The following SLC25A12 variants were observed in gnomAD, a reference collection of about 807,000 sequenced individuals.
The protein encoded by SLC25A12 is solute carrier family 25 member 12.
Under a neutral mutation model 83.3 loss-of-function variants are expected in SLC25A12, and 32 were observed. The ratio of observed to expected loss-of-function variants is 0.38; its 90% CI spans 0.29 to 0.52. SLC25A12 has a LOEUF of 0.52. SLC25A12 is among the 20% of genes least tolerant of loss of function. The pLI is 0.84. For synonymous variants in SLC25A12, 267 were observed against 291.1 expected, an observed-to-expected ratio of 0.92 and a Z score of 0.84; for missense variants, 611 against 835.6, an observed-to-expected ratio of 0.73 and a Z score of 3.31.
At chr2:171,865,416 T>A (rs1403878584) in intron 3 of SLC25A12, among the ~76,000 whole-genome samples, 1 of 152,154 alleles carries the variant, frequency 6.6e-6, no homozygotes, top group Admixed American at 6.5e-5. Flanking sequence ...ATCCCAGCAG[T>A]TTGGGAGGCC....
rs534082289 is a variant in SLC25A12, at chr2:171,861,172, T to C, written c.210-5223A>G. Among the ~76,000 whole-genome samples the C allele has an allele frequency of 1.1e-3, 163 of 151,882 alleles. 2 individuals carry two copies. Among genetic ancestry groups the C allele is most frequent in the Middle Eastern group, 3.4e-3 (1 of 294 alleles). On this transcript the variant is annotated intron_variant, in intron 3 of 17. Coordinates refer to ENST00000422440, the MANE Select transcript of SLC25A12 (RefSeq NM_003705.5). The stretch of plus-strand genomic sequence containing the variant: ...TCTCTGTGGTAGTCTAGGTGGTAGA[T>C]ATATGGGTGTTCACTATAAAATTCT...
chr2:171,787,784 C>T lies in SLC25A12; in HGVS notation c.1744+5G>A, dbSNP rs377004451. The T allele has an allele frequency of 5.3e-5, 85 of 1,614,078 alleles. No individual in the cohort carries two copies. The highest frequency in any genetic ancestry group is 7.0e-5 in the Non-Finnish European group (83 of 1,180,036). On this transcript the variant is annotated splice_donor_5th_base_variant and intron_variant, in intron 16 of 17. Coordinates refer to ENST00000422440, the MANE Select transcript of SLC25A12 (RefSeq NM_003705.5). ...CCATTCTGTATGGCTCCAGCCCCTG[C>T]CTACCTGCAGTCCCTTTCCAAAATG... is the stretch of plus-strand genomic sequence containing the variant.
chr2:171,850,333 CTTTGTT>C (rs1684899975), intron 4 of SLC25A12, among the ~76,000 whole-genome samples: 1 of 103,462 alleles, frequency 9.7e-6, no homozygotes, highest in Non-Finnish European at 1.9e-5. Flanking sequence ...CCAGGCTGGT[CTTTGTT>C]TTTTTTTTTT....
At chr2:171,825,117 A>T (rs981758791) in intron 9 of SLC25A12, among the ~76,000 whole-genome samples, 5 of 152,134 alleles carry the variant, frequency 3.3e-5, no homozygotes, top group African/African-American at 1.2e-4. Context: ...CCTGGAAATA[A>T]ACTTTGATGG....
At chr2:171,865,498 T>C (rs6707769) in intron 3 of SLC25A12, among the ~76,000 whole-genome samples, 3,763 of 151,848 alleles carry the variant, frequency 0.025, 59 homozygotes, top group Middle Eastern at 0.037. Context: ...CTGTCTCTCC[T>C]AAAAATACAA....
At position 171,785,548 on chromosome 2, in the gene SLC25A12, G is replaced by C. The variant is rs923336062; in HGVS notation, c.1836-73C>G. ...GCGCAGCTTACAGCTGGACATTTTCGGTCTGACCCATGTGCCACAAAGAAG... is the reference window on the plus strand; with the variant it reads ...GCGCAGCTTACAGCTGGACATTTTCCGTCTGACCCATGTGCCACAAAGAAG... On this transcript the variant is annotated intron_variant, in intron 17 of 17. Coordinates refer to ENST00000422440, the MANE Select transcript of SLC25A12 (RefSeq NM_003705.5). 5 of 1,355,920 alleles carry C rather than the reference G, an allele frequency of 3.7e-6. No individual in the cohort carries two copies. In the African/African-American group the frequency reaches 7.2e-5, roughly 19 times the overall value. 84.0% of individuals were successfully genotyped at this position (1,355,920 alleles called of 1,614,324 possible).
intron 2 of SLC25A12, among the ~76,000 whole-genome samples, chr2:171,885,761 T>C (rs1685805007): frequency 6.6e-6 from 1 of 152,172 alleles, no homozygotes; most frequent in Non-Finnish European, 1.5e-5. Context: ...TCAATTATAA[T>C]AGCATGGTTA....
intron 11 of SLC25A12, among the ~76,000 whole-genome samples, chr2:171,812,620 G>C (rs544477376): frequency 2.2e-5 from 1 of 45,390 alleles, no homozygotes; most frequent in African/African-American, 4.0e-5. Flanking sequence ...CAAAGACAAC[G>C]GGGGGTGGGG....
At chr2:171,802,955 GTT>G (rs764336281) in intron 13 of SLC25A12, among the ~76,000 whole-genome samples, 7 of 143,160 alleles carry the variant, frequency 4.9e-5, no homozygotes, top group Non-Finnish European at 9.1e-5. Context: ...CTTCCATCTG[GTT>G]TTAAAAAGTG....
At chr2:171,846,664 G>A (rs1172397504) in intron 4 of SLC25A12, among the ~76,000 whole-genome samples, 1 of 152,036 alleles carries the variant, frequency 6.6e-6, no homozygotes, top group African/African-American at 2.4e-5. Flanking sequence ...AAATAAGCCA[G>A]GCATGGTGGC....
intron 2 of SLC25A12, among the ~76,000 whole-genome samples, chr2:171,876,552 G>GGGA (rs1558941986): frequency 6.5e-5 from 9 of 138,170 alleles, no homozygotes; most frequent in Non-Finnish European, 9.5e-5. Flanking sequence ...TTGGGGGGGG[G>GGGA]GGGACTCAAG....
At chr2:171,866,773 C>T (rs1170314769) in intron 3 of SLC25A12, among the ~76,000 whole-genome samples, 1 of 143,676 alleles carries the variant, frequency 7.0e-6, no homozygotes, top group African/African-American at 2.6e-5. Context: ...GCTGACCCCC[C>T]CCACCTCCCT....
chr2:171,873,485 T>C (rs1685498876), intron 2 of SLC25A12, among the ~76,000 whole-genome samples: 2 of 152,260 alleles, frequency 1.3e-5, no homozygotes, highest in South Asian at 4.1e-4. Context: ...GTGAAACAGC[T>C]TGAGGCCTGA....
In SLC25A12 at chr2:171,808,294, T is replaced by C. The variant is rs970992992; in HGVS notation, c.1305+1312A>G. Among the ~76,000 whole-genome samples the C allele has an allele frequency of 3.0e-4, 36 of 119,384 alleles. 6 individuals carry two copies. The highest frequency in any genetic ancestry group is 5.8e-4 in the Non-Finnish European group (31 of 53,648). The allele number at this position is 119,384 out of a possible 152,430, so 78.3% of individuals were successfully genotyped here. A position where few individuals can be genotyped will look rare whatever the true frequency, so the allele number is the denominator to read the frequency against. ...TTTCTGTCAATAGCTGAAATGTAGTTACCGTTATTATTGTTTGCCAATAAT... is the reference window on the plus strand; with the variant it reads ...TTTCTGTCAATAGCTGAAATGTAGTCACCGTTATTATTGTTTGCCAATAAT... On this transcript the variant is annotated intron_variant, in intron 13 of 17. Coordinates refer to ENST00000422440, the MANE Select transcript of SLC25A12 (RefSeq NM_003705.5).
intron 13 of SLC25A12, 46 bp downstream of exon 13, chr2:171,809,560 C>T: frequency 7.0e-7 from 1 of 1,421,998 alleles, no homozygotes; most frequent in Non-Finnish European, 1.0e-6. Flanking sequence ...GCAAAAAGGT[C>T]AACGGAATGT....
At chr2:171,892,484 C>G (rs978862664) in intron 2 of SLC25A12, among the ~76,000 whole-genome samples, 2 of 152,152 alleles carry the variant, frequency 1.3e-5, no homozygotes, top group Admixed American at 1.3e-4. Context: ...CTCGGCCTCC[C>G]AAAATACTGG....
intron 13 of SLC25A12, among the ~76,000 whole-genome samples, chr2:171,797,701 T>C (rs1035737391): frequency 6.6e-6 from 1 of 152,186 alleles, no homozygotes; most frequent in African/African-American, 2.4e-5. Context: ...CCCAAGGTTT[T>C]TTAAAAAGCT....
chr2:171,888,135 C>T (rs908735819), intron 2 of SLC25A12, among the ~76,000 whole-genome samples: 1 of 148,214 alleles, frequency 6.7e-6, no homozygotes, highest in African/African-American at 2.5e-5. Context: ...TGTTCTGTCA[C>T]CCATGCTGGA....
intron 14 of SLC25A12, among the ~76,000 whole-genome samples, chr2:171,792,489 AG>A (rs1244414168): frequency 2.6e-5 from 4 of 151,014 alleles, no homozygotes; most frequent in Non-Finnish European, 5.9e-5. Context: ...GGTAGACACA[AG>A]GTCTTGCTAT....
Sources: allele counts gnomAD v4.1 joint callset (sites outside exome capture counted in the v4.1 genomes callset), GRCh38; gene constraint gnomAD v4.1.1; transcripts MANE v1.5; gene names NCBI Gene and HGNC (gene_info 2026-07-23, HGNC 2026-07-21).